The following GABBR2 variants were observed in gnomAD, a reference collection of about 807,000 sequenced individuals.
GABBR2 encodes the protein gamma-aminobutyric acid type B receptor subunit 2.
GABBR2 carries 23 observed loss-of-function variants against 105.6 expected under a neutral mutation model. The ratio of observed to expected loss-of-function variants is 0.22; its 90% CI spans 0.16 to 0.31. GABBR2 has a LOEUF of 0.31. Ranked by LOEUF, GABBR2 falls within the 10% of genes least tolerant of loss-of-function variation. The probability of loss-of-function intolerance (pLI) is 1.00; values close to 1 mark genes in which losing one functional copy is unlikely to be tolerated. For synonymous variants in GABBR2, 478 were observed against 499.7 expected, an observed-to-expected ratio of 0.96 and a Z score of 0.58; for missense variants, 734 against 1,245.5, an observed-to-expected ratio of 0.59 and a Z score of 6.18.
At chr9:98,567,298 C>G (rs1448375729) in intron 2 of GABBR2, among the ~76,000 whole-genome samples, 1 of 152,132 alleles carries the variant, frequency 6.6e-6, no homozygotes, top group Non-Finnish European at 1.5e-5. Flanking sequence ...TTTCACCAGG[C>G]CAACAGGAAA....
chr9:98,577,893 C>T (rs771486636), intron 2 of GABBR2, 42 bp downstream of exon 2: 10 of 1,570,456 alleles, frequency 6.4e-6, no homozygotes, highest in Admixed American at 1.9e-5. Context: ...TGAGGGCCAA[C>T]CAAAGACACC....
intron 11 of GABBR2, among the ~76,000 whole-genome samples, chr9:98,384,652 C>T (rs1369351288): frequency 6.6e-6 from 1 of 152,116 alleles, no homozygotes; most frequent in Non-Finnish European, 1.5e-5. Context: ...AACTTTTTAA[C>T]ATGTTAATTA....
rs751770896 is a variant in GABBR2, at chr9:98,439,412, A to C, written c.1236+14569T>G. ...TTTAAATCCAAAGGGACAGTCAGCA[A>C]AGTCTTCCAAAGAGCAAATTGGAAA... On this transcript the variant is annotated intron_variant, in intron 7 of 18. Coordinates refer to ENST00000259455, the MANE Select transcript of GABBR2 (RefSeq NM_005458.8). 3.8e-4 allele frequency among the ~76,000 whole-genome samples: 58 copies of C among 152,374 alleles called. 1 individual carries two copies. The highest frequency in any genetic ancestry group is 1.3e-3 in the African/African-American group (53 of 41,584).
At chr9:98,705,022 C>T (rs572555258) in intron 1 of GABBR2, among the ~76,000 whole-genome samples, 2 of 151,992 alleles carry the variant, frequency 1.3e-5, no homozygotes, top group African/African-American at 2.4e-5. Flanking sequence ...GGTACATTTA[C>T]CTTTTTACCT....
At chr9:98,539,787 G>A (rs1236179313) in intron 3 of GABBR2, among the ~76,000 whole-genome samples, 5 of 151,844 alleles carry the variant, frequency 3.3e-5, no homozygotes, top group Non-Finnish European at 2.9e-5. Flanking sequence ...GTGGTGGCAC[G>A]TGCCTGTAGT....
intron 9 of GABBR2, among the ~76,000 whole-genome samples, chr9:98,390,001 A>G (rs1294184441): frequency 6.6e-6 from 1 of 152,130 alleles, no homozygotes; most frequent in African/African-American, 2.4e-5. Context: ...AAAGGGGCAG[A>G]TGTGGTAGCA....
intron 1 of GABBR2, among the ~76,000 whole-genome samples, chr9:98,581,545 TA>T (rs1273818816): frequency 4.0e-5 from 6 of 151,666 alleles, no homozygotes; most frequent in African/African-American, 1.5e-4. Context: ...GAGGAAAGAT[TA>T]AGTTCTTACT....
chr9:98,408,491 G>C, intron 7 of GABBR2, among the ~76,000 whole-genome samples: 1 of 152,214 alleles, frequency 6.6e-6, no homozygotes, highest in African/African-American at 2.4e-5. Context: ...CACTGTGCCA[G>C]CCAAGACAGC....
At chr9:98,571,994 A>G (rs1828839842) in intron 2 of GABBR2, among the ~76,000 whole-genome samples, 1 of 152,206 alleles carries the variant, frequency 6.6e-6, no homozygotes, top group Admixed American at 6.5e-5. Flanking sequence ...GAACACCCTC[A>G]GCTCTCCAAT....
chr9:98,455,423 C>A (rs528208691), intron 6 of GABBR2, among the ~76,000 whole-genome samples: 2 of 152,266 alleles, frequency 1.3e-5, no homozygotes, highest in South Asian at 4.1e-4. Flanking sequence ...GGAAAAATCA[C>A]ACACAGGACA....
At chr9:98,565,348 G>A (rs1322896284) in intron 2 of GABBR2, among the ~76,000 whole-genome samples, 1 of 152,218 alleles carries the variant, frequency 6.6e-6, no homozygotes, top group Non-Finnish European at 1.5e-5. Context: ...TAGACATGGA[G>A]GGGAAACCAG....
At position 98,541,898 on chromosome 9, in the gene GABBR2, G is replaced by A. The variant is rs1455549519; in HGVS notation, c.605C>T (p.Thr202Met). ...HYQWKRVGTL[T>M]QDVQRFSEVR... is the part of the protein sequence containing the mutation. ...CTCAGAGAACCTCTGAACGTCTTGC[G>A]TCAGCGTGCCCACGCGCTTCCACTG... is the stretch of plus-strand genomic sequence containing the variant. Residue 202 changes from threonine (T) to methionine (M), a missense_variant, in exon 3 of 19, where the codon ACG (threonine) becomes ATG (methionine). Physicochemically the swap from Thr to Met is moderately conservative, Grantham distance 81. Around this residue, in one of 7 missense-constraint regions of GABBR2, gnomAD observed 370 missense variants for 648.9 expected, o/e 0.57. Coordinates refer to ENST00000259455, the MANE Select transcript of GABBR2 (RefSeq NM_005458.8). 6.2e-7 allele frequency: 1 copy of A among 1,614,084 alleles called. No individual in the cohort carries two copies. Among genetic ancestry groups the A allele is most frequent in the Non-Finnish European group, 8.5e-7 (1 of 1,180,012 alleles).
intron 9 of GABBR2, among the ~76,000 whole-genome samples, chr9:98,393,046 C>CTATCCACCCACT: frequency 6.8e-6 from 1 of 146,342 alleles, no homozygotes; most frequent in East Asian, 2.1e-4. Flanking sequence ...ATCCATCCAT[C>CTATCCACCCACT]CATCCATCCA....
In GABBR2 at chr9:98,473,344, T is replaced by C; in HGVS notation, c.801A>G (p.Ala267=). The change falls in exon 6 of 19, where the codon GCA becomes GCG. Residue 267 remains alanine (A), a splice_region_variant and synonymous_variant. Coordinates refer to ENST00000259455, the MANE Select transcript of GABBR2 (RefSeq NM_005458.8). ...TACTACCATACATGTTCTCCTCGTA[T>C]GCCTGTAAAAGATGGAGTGACTATG... ...QNMAAKVFCC[A]YEENMYGSKY... is the part of the protein sequence containing the mutation. The C allele has an allele frequency of 6.2e-7, 1 of 1,607,774 alleles. No individual in the cohort carries two copies. The highest frequency in any genetic ancestry group is 8.5e-7 in the Non-Finnish European group (1 of 1,174,528).
chr9:98,685,622 G>C (rs1176950687), intron 1 of GABBR2, among the ~76,000 whole-genome samples: 1 of 152,198 alleles, frequency 6.6e-6, no homozygotes, highest in Non-Finnish European at 1.5e-5. Context: ...CAGGTCTTCT[G>C]TTTCTGCATT....
At chr9:98,439,998 G>A (rs1219546427) in intron 7 of GABBR2, among the ~76,000 whole-genome samples, 1 of 152,184 alleles carries the variant, frequency 6.6e-6, no homozygotes, top group African/African-American at 2.4e-5. Flanking sequence ...CAGCTCCTGA[G>A]AATATTGGCT....
At chr9:98,309,254 C>A (rs2131359372) in intron 14 of GABBR2, among the ~76,000 whole-genome samples, 1 of 152,326 alleles carries the variant, frequency 6.6e-6, no homozygotes, top group South Asian at 2.1e-4. Flanking sequence ...TCATCTCCAA[C>A]CACTTTGGAA....
intron 1 of GABBR2, among the ~76,000 whole-genome samples, chr9:98,689,775 T>G (rs1830663134): frequency 6.6e-6 from 1 of 152,248 alleles, no homozygotes; most frequent in Non-Finnish European, 1.5e-5. Flanking sequence ...TACAAAGATC[T>G]GAACGCTTTT....
chr9:98,511,504 C>G (rs1439400311), intron 3 of GABBR2, among the ~76,000 whole-genome samples: 8 of 145,636 alleles, frequency 5.5e-5, no homozygotes, highest in Admixed American at 3.4e-4. Context: ...ATTGATACAC[C>G]GCTAGCAAGA....
Sources: gnomAD v4.1 joint callset for allele counts (sites outside exome capture counted in the v4.1 genomes callset) on GRCh38, gnomAD v4.1.1 for gene constraint, gnomAD v4.1.1 regional missense constraint, MANE v1.5 for transcripts, NCBI Gene and HGNC (gene_info 2026-07-23, HGNC 2026-07-21) for gene names.